The following PPFIA2 variants were observed in gnomAD, a reference collection of about 807,000 sequenced individuals.
PPFIA2 encodes the protein liprin-alpha-2.
PPFIA2 carries 46 observed loss-of-function variants against 175.5 expected under a neutral mutation model. The ratio of observed to expected loss-of-function variants is 0.26; its 90% confidence interval spans 0.21 to 0.34. PPFIA2 has a LOEUF of 0.34. Among genes scored for constraint, PPFIA2 ranks in the 10% least tolerant of loss-of-function variants. The probability of loss-of-function intolerance (pLI) is 1.00; values close to 1 mark genes in which losing one functional copy is unlikely to be tolerated. For synonymous variants in PPFIA2, 568 were observed against 511.4 expected (o/e 1.11, Z -1.49); for missense variants, 1,179 against 1,506.1 (o/e 0.78, Z 3.60).
chr12:81,419,957 A>T (rs574479159), intron 7 of PPFIA2, among the ~76,000 whole-genome samples: 1 of 152,278 alleles, frequency 6.6e-6, no homozygotes, highest in Non-Finnish European at 1.5e-5. Context: ...GGAGGACTTC[A>T]AAAGCTTTCA....
intron 4 of PPFIA2, among the ~76,000 whole-genome samples, chr12:81,629,607 C>A (rs2063133269): frequency 6.6e-6 from 1 of 152,132 alleles, no homozygotes; most frequent in African/African-American, 2.4e-5. Context: ...AAAATAGAAA[C>A]AAGGATGAAA....
At chr12:81,616,935 A>C (rs1257462820) in intron 4 of PPFIA2, among the ~76,000 whole-genome samples, 1 of 152,180 alleles carries the variant, frequency 6.6e-6, no homozygotes. Flanking sequence ...TGATTGCATT[A>C]TTATTCACTC....
chr12:81,414,820 C>T (rs1262389878), intron 7 of PPFIA2, among the ~76,000 whole-genome samples: 1 of 151,400 alleles, frequency 6.6e-6, no homozygotes, highest in African/African-American at 2.4e-5. Context: ...ACTTAAGCAA[C>T]TTTCAGTCAC....
At chr12:81,459,160 T>C (rs1383268477) in intron 4 of PPFIA2, among the ~76,000 whole-genome samples, 1 of 152,156 alleles carries the variant, frequency 6.6e-6, no homozygotes, top group Non-Finnish European at 1.5e-5. Context: ...GAGTTTGTTG[T>C]TGCTTTTTGG....
chr12:81,544,976 G>T (rs1337568121), intron 4 of PPFIA2, among the ~76,000 whole-genome samples: 5 of 152,110 alleles, frequency 3.3e-5, no homozygotes, highest in Non-Finnish European at 7.4e-5. Flanking sequence ...GTCTCAATGA[G>T]GTAATGACTC....
intron 4 of PPFIA2, among the ~76,000 whole-genome samples, chr12:81,673,112 C>T (rs1259225645): frequency 6.6e-6 from 1 of 152,018 alleles, no homozygotes; most frequent in Non-Finnish European, 1.5e-5. Flanking sequence ...CCACAGTCTA[C>T]AGACAATTCT....
In PPFIA2 at chr12:81,405,806, C is replaced by T. The variant is rs1009990234; in HGVS notation, c.743G>A (p.Gly248Glu). The T allele has an allele frequency of 1.5e-5, 23 of 1,571,390 alleles. No individual in the cohort carries two copies. Among genetic ancestry groups the T allele is most frequent in the Non-Finnish European group, 2.0e-5 (23 of 1,155,768 alleles). The change falls in exon 8 of 33, where the codon GGA becomes GAA. Residue 248 changes from glycine (G) to glutamate (E), a missense_variant. Transcript: ENST00000549396. ...TCATACCTTCTCATGGACTTTCTGT[C>T]CAGGTTCCATCCCTTCAAGATGTTC... is the stretch of plus-strand genomic sequence containing the variant. ...ESEHLEGMEP[G>E]QKVHEKRLSN...
At chr12:81,537,947 A>C (rs1261578519) in intron 4 of PPFIA2, among the ~76,000 whole-genome samples, 32 of 151,858 alleles carry the variant, frequency 2.1e-4, no homozygotes. Context: ...TCAGGACACT[A>C]ACAGTGGATC....
intron 30 of PPFIA2, 69 bp downstream of exon 30, chr12:81,266,882 TA>T: frequency 8.8e-7 from 1 of 1,138,818 alleles, no homozygotes; most frequent in Non-Finnish European, 1.3e-6. Context: ...CACTATTCCT[TA>T]AAAACAAAGA....
intron 4 of PPFIA2, among the ~76,000 whole-genome samples, chr12:81,628,006 T>G (rs1302945865): frequency 2.0e-5 from 3 of 152,126 alleles, no homozygotes; most frequent in Admixed American, 1.3e-4. Context: ...ATACAATACC[T>G]AAGTATATGA....
At position 81,460,887 on chromosome 12, in the gene PPFIA2, A is replaced by T. The variant is rs1286468111; in HGVS notation, c.304-3021T>A. Among the ~76,000 whole-genome samples, 5 of 152,162 alleles carry T rather than the reference A, an allele frequency of 3.3e-5. No homozygotes were observed. In the East Asian group the frequency reaches 9.7e-4, roughly 29 times the overall value. On this transcript the variant is annotated intron_variant, in intron 4 of 32. Coordinates refer to ENST00000549396, the MANE Select transcript of PPFIA2 (RefSeq NM_003625.5). ...TTAAGTACATTGTGCAAAGTTACAC[A>T]CCTAGTCCATGATGGAGCTGGGCTT...
chr12:81,710,678 T>C (rs1011989459), intron 3 of PPFIA2, among the ~76,000 whole-genome samples: 2 of 152,126 alleles, frequency 1.3e-5, no homozygotes, highest in Admixed American at 6.6e-5. Context: ...TTCATATACA[T>C]CTTATACACA....
chr12:81,528,816 G>A (rs184674146), intron 4 of PPFIA2, among the ~76,000 whole-genome samples: 10 of 151,876 alleles, frequency 6.6e-5, no homozygotes, highest in Admixed American at 2.0e-4. Context: ...CCACACAACC[G>A]AATCAGCAGC....
chr12:81,391,380 G>A (rs1403137556), intron 8 of PPFIA2, among the ~76,000 whole-genome samples: 1 of 151,772 alleles, frequency 6.6e-6, no homozygotes, highest in Non-Finnish European at 1.5e-5. Context: ...ATAAGGAAAT[G>A]GTAAAATATG....
At chr12:81,321,855 A>G (rs910304489) in intron 22 of PPFIA2, among the ~76,000 whole-genome samples, 1 of 152,172 alleles carries the variant, frequency 6.6e-6, no homozygotes, top group African/African-American at 2.4e-5. Context: ...AGGCCCATGT[A>G]GGTTTTAAAT....
chr12:81,629,596 G>A (rs1292021032), intron 4 of PPFIA2, among the ~76,000 whole-genome samples: 5 of 152,232 alleles, frequency 3.3e-5, no homozygotes, highest in Admixed American at 3.3e-4. Context: ...ACCTGGCTTG[G>A]AAAATAGAAA....
rs76859001 is a variant in PPFIA2 at position 81,322,096 on chromosome 12, C to G, written c.2642+3681G>C. Among the ~76,000 whole-genome samples the G allele has an allele frequency of 4.8e-3, 734 of 152,278 alleles. 5 individuals carry two copies. The highest frequency in any genetic ancestry group is 0.015 in the African/African-American group (605 of 41,560). On this transcript the variant is annotated intron_variant, in intron 22 of 32. Transcript: ENST00000549396. ...GAGCAGTTCTCCCACCTCAGCCTCC[C>G]CAAGTGCTCGGATTACAGGCATGAG...
intron 4 of PPFIA2, among the ~76,000 whole-genome samples, chr12:81,659,340 C>G (rs2068376257): frequency 2.6e-5 from 4 of 152,142 alleles, no homozygotes. Flanking sequence ...CAGACAGCAC[C>G]TGGAAAATCA....
chr12:81,328,636 G>A (rs1393898362), intron 21 of PPFIA2, among the ~76,000 whole-genome samples: 3 of 152,026 alleles, frequency 2.0e-5, no homozygotes, highest in Non-Finnish European at 4.4e-5. Context: ...ATATACCAGA[G>A]TTTCTACCTG....
Sources: allele counts gnomAD v4.1 joint callset (sites outside exome capture counted in the v4.1 genomes callset), GRCh38; gene constraint gnomAD v4.1.1; transcripts MANE v1.5; gene names NCBI Gene and HGNC (gene_info 2026-07-23, HGNC 2026-07-21).